NOS1AP: variants seen among roughly 807,000 people sequenced by gnomAD.
NOS1AP encodes carboxyl-terminal PDZ ligand of neuronal nitric oxide synthase protein.
In NOS1AP, 21 loss-of-function variants were observed where a neutral mutation model predicts 56.2. The ratio of observed to expected loss-of-function variants is 0.37; its 90% CI spans 0.26 to 0.54. The LOEUF is 0.54. Among genes scored for constraint, NOS1AP ranks in the 20% least tolerant of loss-of-function variants. The pLI is 0.84. For missense variants in NOS1AP, 522 were observed against 657.8 expected (o/e 0.79, Z 2.26); for synonymous variants, 270 against 274.6 (o/e 0.98, Z 0.17).
At chr1:162,288,588 A>G (rs1241039636) in intron 3 of NOS1AP, among the ~76,000 whole-genome samples, 1 of 152,208 alleles carries the variant, frequency 6.6e-6, no homozygotes, top group Non-Finnish European at 1.5e-5. Flanking sequence ...GGACACCTGT[A>G]GCAATGGGAA....
In NOS1AP at chr1:162,232,433, A is replaced by G. The variant is rs573102954; in HGVS notation, c.178-54911A>G. On this transcript the variant is annotated intron_variant, in intron 2 of 9. Coordinates refer to ENST00000361897, the MANE Select transcript of NOS1AP (RefSeq NM_014697.3). The stretch of plus-strand genomic sequence containing the variant: ...GGAATTGATTTATTTTGCCACTTTT[A>G]TGTAGAACATTTTATCTTCCCTGCT... 1.8e-4 allele frequency among the ~76,000 whole-genome samples: 28 copies of G among 152,256 alleles called. 1 individual carries two copies. The South Asian group carries it at 5.8e-3, about 32-fold the overall frequency.
At chr1:162,089,093 C>G (rs978675594) in intron 1 of NOS1AP, among the ~76,000 whole-genome samples, 1 of 152,074 alleles carries the variant, frequency 6.6e-6, no homozygotes, top group African/African-American at 2.4e-5. Flanking sequence ...ATCTTGGCAC[C>G]AGGGATGCTA....
intron 4 of NOS1AP, among the ~76,000 whole-genome samples, chr1:162,307,859 T>G (rs1655890681): frequency 1.3e-5 from 2 of 152,074 alleles, no homozygotes; most frequent in African/African-American, 4.8e-5. Flanking sequence ...CAACTTTGGC[T>G]TTCTACATTG....
At chr1:162,273,885 A>C (rs182387031) in intron 2 of NOS1AP, among the ~76,000 whole-genome samples, 2 of 152,350 alleles carry the variant, frequency 1.3e-5, no homozygotes, top group African/African-American at 4.8e-5. Context: ...ACTGTATCAC[A>C]CATGAACTGC....
At chr1:162,351,416 A>G (rs1657490871) in intron 6 of NOS1AP, among the ~76,000 whole-genome samples, 2 of 152,088 alleles carry the variant, frequency 1.3e-5, no homozygotes, top group Non-Finnish European at 2.9e-5. Flanking sequence ...CACTGGAGAA[A>G]ACTGCCACCC....
intron 2 of NOS1AP, among the ~76,000 whole-genome samples, chr1:162,253,218 C>A (rs974864864): frequency 6.6e-6 from 1 of 152,310 alleles, no homozygotes; most frequent in African/African-American, 2.4e-5. Flanking sequence ...ACACTTCTTC[C>A]TTCCGCCATG....
intron 2 of NOS1AP, among the ~76,000 whole-genome samples, chr1:162,192,250 G>A (rs1174298252): frequency 2.0e-5 from 3 of 152,306 alleles, no homozygotes; most frequent in East Asian, 1.9e-4. Context: ...GCTGGTCTGA[G>A]CCATCAACCT....
chr1:162,241,170 A>T (rs1268284120), intron 2 of NOS1AP, among the ~76,000 whole-genome samples: 2 of 152,306 alleles, frequency 1.3e-5, no homozygotes, highest in South Asian at 2.1e-4. Context: ...AAACATTTCA[A>T]TTGAGACTTG....
intron 2 of NOS1AP, among the ~76,000 whole-genome samples, chr1:162,229,374 T>G (rs1380104348): frequency 6.6e-6 from 1 of 152,176 alleles, no homozygotes; most frequent in African/African-American, 2.4e-5. Flanking sequence ...TTGCAAAAAC[T>G]TCTTTTTGTT....
chr1:162,166,842 A>C (rs1383437803), intron 2 of NOS1AP, among the ~76,000 whole-genome samples: 1 of 152,170 alleles, frequency 6.6e-6, no homozygotes, highest in Non-Finnish European at 1.5e-5. Flanking sequence ...TCCCTGTTGC[A>C]TGGTGACTGG....
chr1:162,257,518 G>A (rs896185866), intron 2 of NOS1AP, among the ~76,000 whole-genome samples: 4 of 151,852 alleles, frequency 2.6e-5, no homozygotes, highest in Admixed American at 2.0e-4. Context: ...GTGTGGTGGC[G>A]GGCACCTGTA....
intron 2 of NOS1AP, among the ~76,000 whole-genome samples, chr1:162,233,461 C>T (rs1653191715): frequency 6.6e-6 from 1 of 152,070 alleles, no homozygotes; most frequent in African/African-American, 2.4e-5. Context: ...TTTATTGAGA[C>T]AAAATCAATA....
At chr1:162,154,332 C>A in intron 1 of NOS1AP, 73 bp from the exon 2 acceptor site, 2 of 1,373,692 alleles carry the variant, frequency 1.5e-6, no homozygotes, top group Admixed American at 1.7e-5. Context: ...TAGTCCTTTA[C>A]CCTTTGGAAC....
chr1:162,321,719 TAAA>T (rs201941230), intron 4 of NOS1AP, among the ~76,000 whole-genome samples: 150 of 137,874 alleles, frequency 1.1e-3, no homozygotes, highest in South Asian at 6.0e-3. Context: ...AAAGTATAAT[TAAA>T]AAAAAAAAAA....
intron 1 of NOS1AP, among the ~76,000 whole-genome samples, chr1:162,111,684 A>C (rs1001037773): frequency 1.3e-5 from 2 of 152,216 alleles, no homozygotes; most frequent in Non-Finnish European, 2.9e-5. Flanking sequence ...GCTTTCCTGA[A>C]GGATGACATA....
At chr1:162,289,362 A>G (rs921861239) in intron 3 of NOS1AP, among the ~76,000 whole-genome samples, 6 of 147,912 alleles carry the variant, frequency 4.1e-5, no homozygotes, top group Non-Finnish European at 7.4e-5. Context: ...AAGTGATGCA[A>G]TCTTGGCTCA....
intron 1 of NOS1AP, among the ~76,000 whole-genome samples, chr1:162,151,467 CT>C: frequency 6.6e-6 from 1 of 152,258 alleles, no homozygotes. Context: ...CAGCTGTTTT[CT>C]TTTTGCTCAG....
At chr1:162,285,170 CT>C (rs1208505410) in intron 2 of NOS1AP, among the ~76,000 whole-genome samples, 2 of 152,132 alleles carry the variant, frequency 1.3e-5, no homozygotes, top group Non-Finnish European at 2.9e-5. Context: ...ACTCTTCAGC[CT>C]TTAACTTCCA....
At chr1:162,114,200 C>T (rs577864349) in intron 1 of NOS1AP, among the ~76,000 whole-genome samples, 1 of 152,112 alleles carries the variant, frequency 6.6e-6, no homozygotes, top group East Asian at 1.9e-4. Flanking sequence ...CAAGATCACC[C>T]TGTTTAGCTG....
Sources: allele counts gnomAD v4.1 joint callset (sites outside exome capture counted in the v4.1 genomes callset), GRCh38; gene constraint gnomAD v4.1.1; transcripts MANE v1.5; gene names NCBI Gene and HGNC (gene_info 2026-07-23, HGNC 2026-07-21).